ZNF652: variants seen among roughly 807,000 people sequenced by gnomAD.
ZNF652 encodes zinc finger protein 652.
In ZNF652, 16 loss-of-function variants were observed where a neutral mutation model predicts 45.2. That is an observed-to-expected ratio of 0.35 (90% CI 0.24 to 0.54). The LOEUF (loss-of-function observed/expected upper bound fraction) is 0.54, where lower values mean the gene tolerates loss of function less well. ZNF652 is among the 20% of genes least tolerant of loss of function. The pLI is 0.91. For synonymous variants in ZNF652, 250 were observed against 260.6 expected (o/e 0.96, Z 0.39); for missense variants, 614 against 765.6 (o/e 0.80, Z 2.34).
intron 1 of ZNF652, among the ~76,000 whole-genome samples, chr17:49,349,468 G>T (rs920921183): frequency 4.6e-5 from 7 of 152,112 alleles, no homozygotes; most frequent in African/African-American, 1.7e-4. Flanking sequence ...GCCATAGCAG[G>T]GATTCTTTGC....
At chr17:49,314,738 C>T (rs1332375154) in intron 2 of ZNF652, among the ~76,000 whole-genome samples, 1 of 152,126 alleles carries the variant, frequency 6.6e-6, no homozygotes, top group African/African-American at 2.4e-5. Context: ...TTAATATTCA[C>T]TATAAATAAA....
At chr17:49,332,915 A>G (rs2070039495) in intron 1 of ZNF652, among the ~76,000 whole-genome samples, 1 of 152,084 alleles carries the variant, frequency 6.6e-6, no homozygotes, top group Non-Finnish European at 1.5e-5. Flanking sequence ...ACTCATGCCT[A>G]TAGTCTTAGC....
intron 5 of ZNF652, among the ~76,000 whole-genome samples, chr17:49,306,469 G>T (rs1363280238): frequency 6.6e-6 from 1 of 151,864 alleles, no homozygotes. Context: ...ATTTTTTTTG[G>T]TTTTTAATAG....
intron 1 of ZNF652, among the ~76,000 whole-genome samples, chr17:49,338,535 A>G (rs2070109656): frequency 6.6e-6 from 1 of 152,168 alleles, no homozygotes; most frequent in African/African-American, 2.4e-5. Flanking sequence ...TTGTAAGGAT[A>G]TATTTTCCTT....
intron 1 of ZNF652, among the ~76,000 whole-genome samples, chr17:49,351,651 T>A (rs550646650): frequency 1.3e-5 from 2 of 150,666 alleles, no homozygotes; most frequent in Admixed American, 1.3e-4. Flanking sequence ...AAGGCCATAT[T>A]TTTTTTTCTT....
At chr17:49,309,490 G>A (rs1248857246) in intron 5 of ZNF652, among the ~76,000 whole-genome samples, 1 of 150,384 alleles carries the variant, frequency 6.6e-6, no homozygotes, top group Non-Finnish European at 1.5e-5. Context: ...TCTGGGTGAC[G>A]GAGCAAGACT....
chr17:49,330,608 C>T (rs544903630), intron 1 of ZNF652, among the ~76,000 whole-genome samples: 1 of 152,034 alleles, frequency 6.6e-6, no homozygotes, highest in African/African-American at 2.4e-5. Context: ...CTCGGCCTCC[C>T]AAAGCGTTAG....
chr17:49,324,898 G>A (rs756660410), intron 1 of ZNF652, among the ~76,000 whole-genome samples: 7 of 150,212 alleles, frequency 4.7e-5, no homozygotes, highest in Non-Finnish European at 7.4e-5. Flanking sequence ...GCACCACCAC[G>A]CCCGGCTAAT....
intron 1 of ZNF652, among the ~76,000 whole-genome samples, chr17:49,356,663 C>T (rs947223037): frequency 7.0e-6 from 1 of 143,336 alleles, no homozygotes; most frequent in African/African-American, 2.6e-5. Context: ...ATATTTCAAT[C>T]CCTCTTTATC....
At chr17:49,324,180 G>C (rs1411649748) in intron 1 of ZNF652, among the ~76,000 whole-genome samples, 2 of 152,174 alleles carry the variant, frequency 1.3e-5, no homozygotes, top group Non-Finnish European at 2.9e-5. Flanking sequence ...TTACGTTATG[G>C]AGATAGCTTC....
chr17:49,341,966 G>A (rs1364617213), intron 1 of ZNF652, among the ~76,000 whole-genome samples: 9 of 152,088 alleles, frequency 5.9e-5, no homozygotes, highest in Admixed American at 3.9e-4. Flanking sequence ...CAGGCAGATC[G>A]CCTGAGATCA....
chr17:49,359,092 A>G (rs538341793), intron 1 of ZNF652, among the ~76,000 whole-genome samples: 11 of 152,328 alleles, frequency 7.2e-5, no homozygotes, highest in South Asian at 2.1e-4. Context: ...GTTCTGCAAT[A>G]CTAAATCAAG....
intron 5 of ZNF652, among the ~76,000 whole-genome samples, chr17:49,310,233 G>A (rs191669843): frequency 3.3e-5 from 5 of 152,306 alleles, no homozygotes; most frequent in Non-Finnish European, 7.4e-5. Flanking sequence ...GATTACAGGC[G>A]TGAGCCACCG....
At chr17:49,330,596 G>A (rs1344354078) in intron 1 of ZNF652, among the ~76,000 whole-genome samples, 53 of 151,646 alleles carry the variant, frequency 3.5e-4, no homozygotes, top group Non-Finnish European at 1.5e-5. Flanking sequence ...TGATCCACCC[G>A]CCTCGGCCTC....
Position 49,296,508 on chromosome 17 carries a change from G to C in ZNF652, c.*1905C>G, listed in dbSNP as rs1379900780. 1 of 152,420 alleles carries C rather than the reference G, an allele frequency of 6.6e-6. No homozygotes were observed. The highest frequency in any genetic ancestry group is 1.5e-5 in the Non-Finnish European group (1 of 68,014). The allele number at this position is 152,420 out of a possible 1,614,324, so 9.4% of individuals were successfully genotyped here. A position where few individuals can be genotyped will look rare whatever the true frequency, so the allele number is the denominator to read the frequency against. ...ATTAAAAATAAAAAAATAAATAAAA[G>C]CCAGCGTTCTGATTCAGGCAAAGAT... On this transcript the variant is annotated 3_prime_UTR_variant, in exon 6 of 6. Coordinates refer to ENST00000430262, the MANE Select transcript of ZNF652 (RefSeq NM_001145365.3).
rs771521866 is a variant in ZNF652 at position 49,311,413 on chromosome 17, T to A, written c.1208A>T (p.His403Leu). The change falls in exon 5 of 6, where the codon CAC becomes CTC. Residue 403 changes from histidine (H) to leucine (L), a missense_variant. Around this residue, in one of 5 missense-constraint regions of ZNF652, gnomAD observed 81 missense variants for 167.0 expected, o/e 0.48. Transcript: ENST00000430262. Reference protein sequence around the residue: ...RFQYKYQLRSHMSIHIGHKQF... With the variant: ...RFQYKYQLRSLMSIHIGHKQF... ...TTTGTGCCCAATATGAATGCTCATG[T>A]GGGAGCGTAGCTGGTACTTGTACTG... 6.2e-7 allele frequency: 1 copy of A among 1,614,218 alleles called. No individual in the cohort carries two copies. Among genetic ancestry groups the A allele is most frequent in the Non-Finnish European group, 8.5e-7 (1 of 1,180,034 alleles).
intron 1 of ZNF652, among the ~76,000 whole-genome samples, chr17:49,321,735 A>G (rs1196720871): frequency 6.6e-6 from 1 of 152,202 alleles, no homozygotes; most frequent in Non-Finnish European, 1.5e-5. Flanking sequence ...GGAGGCAAGG[A>G]AAGTTATTGG....
downstream of ZNF652, among the ~76,000 whole-genome samples, chr17:49,288,963 C>G (rs1178202336): frequency 6.6e-6 from 1 of 152,146 alleles, no homozygotes; most frequent in Non-Finnish European, 1.5e-5. Flanking sequence ...CCAAACAGCG[C>G]TGCAAAGAGA....
At position 49,347,756 on chromosome 17, in the gene ZNF652, T is replaced by C. The variant is rs2070221989; in HGVS notation, c.-259+14153A>G. On this transcript the variant is annotated intron_variant, in intron 1 of 5. Transcript: ENST00000430262. ...CTTGGTTTTGTTTTTTTTTTTTTTT[T>C]TTTTTTTGAGACACAGTCACTCTGT... Among the ~76,000 whole-genome samples the C allele has an allele frequency of 1.4e-5, 2 of 144,566 alleles. 1 individual carries two copies. The highest frequency in any genetic ancestry group is 5.1e-5 in the African/African-American group (2 of 39,066). The allele number at this position is 144,566 out of a possible 152,430, so 94.8% of individuals were successfully genotyped here. A position where few individuals can be genotyped will look rare whatever the true frequency, so the allele number is the denominator to read the frequency against.
Sources: allele counts gnomAD v4.1 joint callset (sites outside exome capture counted in the v4.1 genomes callset), GRCh38; gene constraint gnomAD v4.1.1; regional missense constraint gnomAD v4.1.1; transcripts MANE v1.5; gene names NCBI Gene and HGNC (gene_info 2026-07-23, HGNC 2026-07-21).